The following PTPRD variants were observed in gnomAD, a reference collection of about 807,000 sequenced individuals.
PTPRD encodes the protein protein tyrosine phosphatase receptor type D.
A neutral mutation model predicts 214.5 loss-of-function variants in PTPRD; 34 were observed. The observed-to-expected ratio is 0.16, with a 90% confidence interval of 0.12 to 0.21. PTPRD has a LOEUF of 0.21. Ranked by LOEUF, PTPRD falls within the 10% of genes least tolerant of loss-of-function variation. PTPRD has a pLI of 1.00. For synonymous variants in PTPRD, 1,128 were observed against 845.7 expected (o/e 1.33, Z -5.79); for missense variants, 2,545 against 2,398.7 (o/e 1.06, Z -1.27).
intron 11 of PTPRD, among the ~76,000 whole-genome samples, chr9:8,870,078 G>A (rs1329292065): frequency 6.7e-6 from 1 of 149,866 alleles, no homozygotes. Flanking sequence ...CTCAGGGAGA[G>A]AATTGGTCAT....
At chr9:9,498,191 G>C (rs953151759) in intron 8 of PTPRD, among the ~76,000 whole-genome samples, 7 of 152,044 alleles carry the variant, frequency 4.6e-5, no homozygotes, top group African/African-American at 1.2e-4. Flanking sequence ...GTAGGATTTT[G>C]AATTAAAAAT....
intron 9 of PTPRD, among the ~76,000 whole-genome samples, chr9:9,296,206 C>T (rs1952972420): frequency 6.6e-6 from 1 of 151,758 alleles, no homozygotes; most frequent in Admixed American, 6.6e-5. Flanking sequence ...GCACCATGAA[C>T]TTGTACTCAT....
intron 3 of PTPRD, among the ~76,000 whole-genome samples, chr9:10,251,659 C>T (rs753104951): frequency 6.6e-6 from 1 of 152,182 alleles, no homozygotes; most frequent in Non-Finnish European, 1.5e-5. Context: ...GCTAATATTA[C>T]TACAAGTTCA....
At chr9:8,365,255 C>T (rs894754138) in intron 39 of PTPRD, among the ~76,000 whole-genome samples, 5 of 152,038 alleles carry the variant, frequency 3.3e-5, no homozygotes, top group African/African-American at 1.2e-4. Flanking sequence ...TTTCTGAGTT[C>T]AAAAAGAGGC....
At chr9:9,651,148 C>T (rs773338599) in intron 7 of PTPRD, among the ~76,000 whole-genome samples, 27 of 152,070 alleles carry the variant, frequency 1.8e-4, no homozygotes, top group Non-Finnish European at 3.1e-4. Context: ...ATCATTGGTT[C>T]TTGTGTAAAA....
At chr9:10,018,109 C>T (rs944711434) in intron 4 of PTPRD, among the ~76,000 whole-genome samples, 6 of 151,544 alleles carry the variant, frequency 4.0e-5, no homozygotes, top group African/African-American at 9.7e-5. Flanking sequence ...TATGAAATCC[C>T]CTCTCATACA....
intron 10 of PTPRD, among the ~76,000 whole-genome samples, chr9:9,066,394 CTGTG>C (rs2099734294): frequency 6.6e-6 from 1 of 151,774 alleles, no homozygotes; most frequent in Admixed American, 6.6e-5. Flanking sequence ...TTTTGGTAGT[CTGTG>C]TTTTTCTAAA....
At chr9:9,270,516 G>A (rs1942398684) in intron 9 of PTPRD, among the ~76,000 whole-genome samples, 2 of 151,462 alleles carry the variant, frequency 1.3e-5, no homozygotes, top group East Asian at 2.0e-4. Flanking sequence ...AGGAAACAAT[G>A]GAAGGCTGAC....
rs546770712 is a variant in PTPRD at position 9,241,759 on chromosome 9, C to T, written c.-202-58396G>A. 6.6e-5 allele frequency among the ~76,000 whole-genome samples: 10 copies of T among 151,656 alleles called. 1 individual carries two copies. The South Asian group carries it at 1.9e-3, about 28-fold the overall frequency. The stretch of plus-strand genomic sequence containing the variant: ...GTGTCTCTCCATACGAGATGGGTTT[C>T]CTGAATACAGCACACTGATGGGTCT... On this transcript the variant is annotated intron_variant, in intron 9 of 45. Transcript: ENST00000381196.
intron 8 of PTPRD, among the ~76,000 whole-genome samples, chr9:9,460,876 C>T (rs540354492): frequency 2.3e-4 from 35 of 152,120 alleles, no homozygotes; most frequent in South Asian, 4.1e-4. Flanking sequence ...TGCACTCTTA[C>T]GTTTATTGCT....
intron 37 of PTPRD, among the ~76,000 whole-genome samples, chr9:8,380,859 A>C (rs2084845456): frequency 6.6e-6 from 1 of 152,086 alleles, no homozygotes; most frequent in Non-Finnish European, 1.5e-5. Flanking sequence ...TTTATAATCA[A>C]TTAACTAGAT....
chr9:10,293,066 T>A (rs1343194364), intron 3 of PTPRD, among the ~76,000 whole-genome samples: 1 of 151,878 alleles, frequency 6.6e-6, no homozygotes, highest in Admixed American at 6.6e-5. Context: ...GTGAAGGAAG[T>A]TTTATTGATG....
intron 9 of PTPRD, among the ~76,000 whole-genome samples, chr9:9,352,162 T>G (rs2051472445): frequency 6.6e-6 from 1 of 151,830 alleles, no homozygotes; most frequent in Non-Finnish European, 1.5e-5. Flanking sequence ...TTGGAACCAT[T>G]CCCTATGTGC....
At position 9,095,685 on chromosome 9, in the gene PTPRD, A is replaced by G. The variant is rs926771239; in HGVS notation, c.-142-76950T>C. ...TAGATTGGGAGAACCATTATGGAAAACAGTATGGAGGTTTCAAAATAAATT... is the reference window on the plus strand; with the variant it reads ...TAGATTGGGAGAACCATTATGGAAAGCAGTATGGAGGTTTCAAAATAAATT... On this transcript the variant is annotated intron_variant, in intron 10 of 45. Coordinates refer to ENST00000381196, the MANE Select transcript of PTPRD (RefSeq NM_002839.4). 2.6e-5 allele frequency among the ~76,000 whole-genome samples: 4 copies of G among 152,186 alleles called. No homozygotes were observed. The East Asian group carries it at 7.7e-4, about 29-fold the overall frequency.
intron 11 of PTPRD, among the ~76,000 whole-genome samples, chr9:8,944,169 A>C (rs777105273): frequency 6.6e-6 from 1 of 152,152 alleles, no homozygotes; most frequent in Non-Finnish European, 1.5e-5. Flanking sequence ...ATCACTGATC[A>C]TCAGAGAAAT....
chr9:9,219,070 G>C lies in PTPRD; in HGVS notation c.-202-35707C>G, dbSNP rs368492838. On this transcript the variant is annotated intron_variant, in intron 9 of 45. Transcript: ENST00000381196. Reference sequence around the variant, plus strand: ...CAAAGTCTCTTTTCACATCGTGTGTGCCAATTAAAATATATTACATTATTA... The same window carrying C: ...CAAAGTCTCTTTTCACATCGTGTGTCCCAATTAAAATATATTACATTATTA... Among the ~76,000 whole-genome samples the C allele has an allele frequency of 5.6e-4, 85 of 152,190 alleles. 1 individual carries two copies. Among genetic ancestry groups the C allele is most frequent in the African/African-American group, 1.9e-3 (79 of 41,546 alleles).
intron 8 of PTPRD, among the ~76,000 whole-genome samples, chr9:9,509,504 C>T (rs184413212): frequency 7.3e-4 from 110 of 151,478 alleles, no homozygotes; most frequent in South Asian, 1.2e-3. Flanking sequence ...TAATTGATCA[C>T]CTGCTTTCTG....
At chr9:10,426,278 C>A (rs999785328) in intron 2 of PTPRD, among the ~76,000 whole-genome samples, 5 of 151,990 alleles carry the variant, frequency 3.3e-5, no homozygotes, top group African/African-American at 1.2e-4. Context: ...TTAATCAATT[C>A]TCATTTCATG....
chr9:9,274,881 G>A lies in PTPRD; in HGVS notation c.-202-91518C>T, dbSNP rs79085252. ...GGTTTAGATAGGAATGATTCTACTC[G>A]TAAATAATTTGGGAAATAGTCACCA... On this transcript the variant is annotated intron_variant, in intron 9 of 45. Transcript: ENST00000381196. 8.9e-3 allele frequency among the ~76,000 whole-genome samples: 1,323 copies of A among 148,104 alleles called. 16 individuals carry two copies. Among genetic ancestry groups the A allele is most frequent in the African/African-American group, 0.03 (1,222 of 40,346 alleles).
Sources: allele counts gnomAD v4.1 joint callset (sites outside exome capture counted in the v4.1 genomes callset), GRCh38; gene constraint gnomAD v4.1.1; transcripts MANE v1.5; gene names NCBI Gene and HGNC (gene_info 2026-07-23, HGNC 2026-07-21).